Variants in RALGAPA2 observed in about 807,000 individuals in gnomAD.
The protein encoded by RALGAPA2 is ral GTPase-activating protein subunit alpha-2.
In RALGAPA2, 139 loss-of-function variants were observed where a neutral mutation model predicts 230.4. That is an observed-to-expected ratio of 0.60 (90% CI 0.53 to 0.69). The LOEUF (loss-of-function observed/expected upper bound fraction) is 0.69, where lower values mean the gene tolerates loss of function less well. Ranked by LOEUF, RALGAPA2 falls within the 30% of genes least tolerant of loss-of-function variation. The pLI, the probability that RALGAPA2 is intolerant of heterozygous loss-of-function variation, is 0.00. For synonymous variants in RALGAPA2, 847 were observed against 837.8 expected (o/e 1.01, Z -0.19); for missense variants, 2,163 against 2,276.0 (o/e 0.95, Z 1.01).
At chr20:20,440,690 A>G (rs1213443937) in intron 37 of RALGAPA2, among the ~76,000 whole-genome samples, 1 of 152,200 alleles carries the variant, frequency 6.6e-6, no homozygotes, top group Non-Finnish European at 1.5e-5. Context: ...ATTCCACTGT[A>G]ACAATCAGAC....
chr20:20,531,896 T>C (rs1461919878), intron 26 of RALGAPA2, 101 bp from the exon 27 acceptor site: 32 of 973,024 alleles, frequency 3.3e-5, no homozygotes, highest in Admixed American at 4.6e-5. Context: ...TTATACAAAA[T>C]AGCAAATATT....
chr20:20,678,917 C>T (rs1219698043), intron 2 of RALGAPA2, among the ~76,000 whole-genome samples: 4 of 152,118 alleles, frequency 2.6e-5, no homozygotes, highest in Non-Finnish European at 5.9e-5. Flanking sequence ...AATAGGCTGA[C>T]TCTACATGCC....
chr20:20,471,254 T>C (rs1338217936), intron 37 of RALGAPA2: 1 of 152,112 alleles, frequency 6.6e-6, no homozygotes, highest in Non-Finnish European at 1.5e-5. Context: ...AACCTGATCA[T>C]TCCAATTGTA....
intron 36 of RALGAPA2, among the ~76,000 whole-genome samples, chr20:20,483,606 T>C (rs1286373358): frequency 2.0e-5 from 3 of 152,192 alleles, no homozygotes; most frequent in Non-Finnish European, 4.4e-5. Flanking sequence ...AGGTCTTCTC[T>C]TGGTGATCTG....
chr20:20,436,386 T>C lies in RALGAPA2; in HGVS notation c.5496-24238A>G, dbSNP rs192458167. ...CTATTTAAATACCATCCCTACCAGA[T>C]AAAACAATTTAATAGGGTAGATCTT... is the stretch of plus-strand genomic sequence containing the variant. On this transcript the variant is annotated intron_variant, in intron 37 of 39. Coordinates refer to ENST00000202677, the MANE Select transcript of RALGAPA2 (RefSeq NM_020343.4). Among the ~76,000 whole-genome samples, 4 of 152,234 alleles carry C rather than the reference T, an allele frequency of 2.6e-5. No homozygotes were observed. The East Asian group carries it at 5.8e-4, about 22-fold the overall frequency.
At chr20:20,627,920 T>C (rs1022123409) in intron 10 of RALGAPA2, among the ~76,000 whole-genome samples, 3 of 152,142 alleles carry the variant, frequency 2.0e-5, no homozygotes, top group Non-Finnish European at 2.9e-5. Flanking sequence ...AAGTGTAGAA[T>C]TACAGCAGAG....
rs1602229105 is a variant in RALGAPA2 at position 20,390,565 on chromosome 20, T to A, written c.*2724A>T. On this transcript the variant is annotated 3_prime_UTR_variant, in exon 40 of 40. Transcript: ENST00000202677. ...AGGGCCACTTCTGTTTCCAGATGGCTGACCTACTGGTACCACCGTGATGAG... is the reference window on the plus strand; with the variant it reads ...AGGGCCACTTCTGTTTCCAGATGGCAGACCTACTGGTACCACCGTGATGAG... The A allele has an allele frequency of 6.6e-6, 1 of 152,192 alleles. No individual in the cohort carries two copies. Among genetic ancestry groups the A allele is most frequent in the Non-Finnish European group, 1.5e-5 (1 of 68,042 alleles). 9.4% of individuals were successfully genotyped at this position (152,192 alleles called of 1,614,324 possible). A position where few individuals can be genotyped will look rare whatever the true frequency, so the allele number is the denominator to read the frequency against.
rs555667074 is a variant in RALGAPA2 at position 20,511,218 on chromosome 20, A to C, written c.4928+36T>G. On this transcript the variant is annotated intron_variant, in intron 33 of 39. Coordinates refer to ENST00000202677, the MANE Select transcript of RALGAPA2 (RefSeq NM_020343.4). ...TGTTATCCAAGAATACCCAAAGACA[A>C]ACAGGAAAAAAGTGGTTTGATATAC... 16 of 1,552,702 alleles carry C rather than the reference A, an allele frequency of 1.0e-5. No individual in the cohort carries two copies. In the Admixed American group the frequency reaches 2.2e-4, roughly 21 times the overall value.
intron 37 of RALGAPA2, among the ~76,000 whole-genome samples, chr20:20,418,950 G>A (rs2060221681): frequency 6.6e-6 from 1 of 152,062 alleles, no homozygotes; most frequent in African/African-American, 2.4e-5. Flanking sequence ...ATGTTGCCTA[G>A]GCTGGTCTTG....
intron 36 of RALGAPA2, among the ~76,000 whole-genome samples, chr20:20,474,198 G>A (rs776580456): frequency 6.6e-6 from 1 of 152,168 alleles, no homozygotes; most frequent in Non-Finnish European, 1.5e-5. Flanking sequence ...CACAAGCTAT[G>A]AGAACATCTA....
chr20:20,503,587 A>C, intron 34 of RALGAPA2, 81 bp from the exon 35 acceptor site: 1 of 1,139,562 alleles, frequency 8.8e-7, no homozygotes, highest in South Asian at 3.2e-5. Context: ...AATTCAGAAA[A>C]AAAATAAATT....
chr20:20,558,598 T>TG (rs1468954359), intron 23 of RALGAPA2, among the ~76,000 whole-genome samples: 1 of 151,524 alleles, frequency 6.6e-6, no homozygotes, highest in African/African-American at 2.4e-5. Context: ...TTACTGGGCA[T>TG]GGGGTGTAAG....
intron 33 of RALGAPA2, among the ~76,000 whole-genome samples, chr20:20,509,068 G>A (rs370450033): frequency 1.4e-4 from 21 of 152,188 alleles, no homozygotes; most frequent in African/African-American, 3.9e-4. Flanking sequence ...TTCAGCATAC[G>A]CTTAAAAAGC....
At chr20:20,472,793 T>C (rs1388075915) in intron 37 of RALGAPA2, 36 bp downstream of exon 37, 4 of 1,582,788 alleles carry the variant, frequency 2.5e-6, no homozygotes, top group East Asian at 2.3e-5. Context: ...GATTCTGGGA[T>C]GGTTAGTAAG....
intron 37 of RALGAPA2, among the ~76,000 whole-genome samples, chr20:20,469,534 C>T (rs1409672283): frequency 6.6e-6 from 1 of 152,198 alleles, no homozygotes; most frequent in Non-Finnish European, 1.5e-5. Context: ...CTGATAGTTA[C>T]AGCGAGTAGA....
chr20:20,519,069 C>T (rs562085982), intron 31 of RALGAPA2, among the ~76,000 whole-genome samples: 12 of 152,292 alleles, frequency 7.9e-5, no homozygotes, highest in Admixed American at 7.8e-4. Flanking sequence ...CATGTACCAT[C>T]CACCACCAAC....
chr20:20,509,154 C>T (rs1602588975), intron 33 of RALGAPA2, among the ~76,000 whole-genome samples: 1 of 152,158 alleles, frequency 6.6e-6, no homozygotes, highest in East Asian at 1.9e-4. Flanking sequence ...CTGAGTTCTT[C>T]AGAATAAATC....
chr20:20,429,290 T>A (rs936455854), intron 37 of RALGAPA2, among the ~76,000 whole-genome samples: 10 of 152,220 alleles, frequency 6.6e-5, no homozygotes, highest in Admixed American at 5.9e-4. Context: ...TCTTTCAAAC[T>A]TATTTAAGAT....
chr20:20,393,189 G>T lies in RALGAPA2; in HGVS notation c.*100C>A, dbSNP rs1364053329. 2.2e-6 allele frequency: 3 copies of T among 1,350,094 alleles called. No homozygotes were observed. The highest frequency in any genetic ancestry group is 4.0e-5 in the Admixed American group (2 of 50,070). 83.6% of individuals were successfully genotyped at this position (1,350,094 alleles called of 1,614,324 possible). Reference sequence around the variant, plus strand: ...TGGCTCGGGGCAGAGGCAGGAGAGGGTGTTCTGTCTCCTCCTCACTCAGGG... The same window carrying T: ...TGGCTCGGGGCAGAGGCAGGAGAGGTTGTTCTGTCTCCTCCTCACTCAGGG... On this transcript the variant is annotated 3_prime_UTR_variant, in exon 40 of 40. Transcript: ENST00000202677.
Sources: allele counts gnomAD v4.1 joint callset (sites outside exome capture counted in the v4.1 genomes callset), GRCh38; gene constraint gnomAD v4.1.1; transcripts MANE v1.5; gene names NCBI Gene and HGNC (gene_info 2026-07-23, HGNC 2026-07-21).